PSG6: variants seen among roughly 807,000 people sequenced by gnomAD.
PSG6 encodes the protein pregnancy specific beta-1-glycoprotein 6, also known as pregnancy-specific beta-1-glycoprotein 6.
Under a neutral mutation model 43.3 loss-of-function variants are expected in PSG6, and 51 were observed. The ratio of observed to expected loss-of-function variants is 1.18; its 90% CI spans 0.94 to 1.49. PSG6 has a LOEUF of 1.49. PSG6 is among the 40% of genes most tolerant of loss of function. The pLI is 0.00. For synonymous variants in PSG6, 292 were observed against 197.6 expected (o/e 1.48, Z -4.01); for missense variants, 770 against 522.2 (o/e 1.47, Z -4.62).
At chr19:42,916,093 C>A in intron 2 of PSG6, 32 bp downstream of exon 2, 1 of 1,607,116 alleles carries the variant, frequency 6.2e-7, no homozygotes, top group Non-Finnish European at 8.5e-7. Flanking sequence ...CCCCTGCCCC[C>A]CAACACCCAG....
At chr19:42,903,465 G>A (rs1249349163) in intron 5 of PSG6, among the ~76,000 whole-genome samples, 1 of 151,532 alleles carries the variant, frequency 6.6e-6, no homozygotes, top group Non-Finnish European at 1.5e-5. Context: ...AAATAAAATG[G>A]AGAATGGAAA....
At chr19:42,905,646 C>T (rs1348576064) in intron 5 of PSG6, among the ~76,000 whole-genome samples, 1 of 151,592 alleles carries the variant, frequency 6.6e-6, no homozygotes, top group Non-Finnish European at 1.5e-5. Flanking sequence ...ATTACTCACA[C>T]TAGCCAAAAA....
rs1972336280 is a variant in PSG6 at position 42,916,468 on chromosome 19, C to T, written c.84G>A (p.Trp28Ter). Residue 28 changes from tryptophan (W) to a stop codon, truncating the protein, a stop_gained, in exon 2 of 6, where the codon TGG (tryptophan) becomes TGA (stop). Coordinates refer to ENST00000187910, the MANE Select transcript of PSG6 (RefSeq NM_001031850.4). LOFTEE classifies it high-confidence loss of function. ...TTACTTGGGCAGTGGTGGGCAGGTTCCAGAAGTTTAAAAGTGATGCTAGGA... is the reference window on the plus strand; with the variant it reads ...TTACTTGGGCAGTGGTGGGCAGGTTTCAGAAGTTTAAAAGTGATGCTAGGA... ...LLLTASLLNF[W>*]NLPTTAQVII... 6.2e-7 allele frequency: 1 copy of T among 1,610,874 alleles called. No individual in the cohort carries two copies. The highest frequency in any genetic ancestry group is 8.5e-7 in the Non-Finnish European group (1 of 1,178,576).
At position 42,916,009 on chromosome 19, in the gene PSG6, C is replaced by T. The variant is rs1972318133; in HGVS notation, c.427+116G>A. 3.2e-6 allele frequency: 5 copies of T among 1,539,402 alleles called. No individual in the cohort carries two copies. The African/African-American group carries it at 5.5e-5, about 17-fold the overall frequency. ...CCTGCACTAAATGCCCAAACCCCAG[C>T]ATGGGACATAATGCAGAGAGTGACA... On this transcript the variant is annotated intron_variant, in intron 2 of 5. Transcript: ENST00000187910.
chr19:42,907,867 C>G lies in PSG6; in HGVS notation c.707-13G>C. On this transcript the variant is annotated splice_polypyrimidine_tract_variant and intron_variant, in intron 3 of 5. Transcript: ENST00000187910. ...ATGGGCAGCTTCGCTGTGTGGATAA[C>G]AGAAGATTGTCCTGTGTGGCACCTT... 1.2e-6 allele frequency: 2 copies of G among 1,610,848 alleles called. No homozygotes were observed. The highest frequency in any genetic ancestry group is 1.7e-6 in the Non-Finnish European group (2 of 1,178,444).
At chr19:42,913,135 A>G (rs1440736340) in intron 2 of PSG6, among the ~76,000 whole-genome samples, 1 of 151,502 alleles carries the variant, frequency 6.6e-6, no homozygotes, top group Non-Finnish European at 1.5e-5. Context: ...AGTAAGCATC[A>G]AAAGCATTCT....
chr19:42,914,401 A>C lies in PSG6; in HGVS notation c.427+1724T>G, dbSNP rs1237728340. Among the ~76,000 whole-genome samples the C allele has an allele frequency of 4.6e-5, 7 of 150,718 alleles. No homozygotes were observed. The East Asian group carries it at 1.4e-3, about 29-fold the overall frequency. On this transcript the variant is annotated intron_variant, in intron 2 of 5. Coordinates refer to ENST00000187910, the MANE Select transcript of PSG6 (RefSeq NM_001031850.4). ...CTGTGCAGGACAGGGCTTGCCAGTC[A>C]GAATGAAGTGGGAGGAAGATGAGGG...
chr19:42,915,729 G>C lies in PSG6; in HGVS notation c.427+396C>G, dbSNP rs954800200. The C allele has an allele frequency of 2.2e-5, 7 of 311,468 alleles. 1 individual carries two copies. Among genetic ancestry groups the C allele is most frequent in the Admixed American group, 4.5e-5 (1 of 21,998 alleles). The allele number at this position is 311,468 out of a possible 1,614,324, so 19.3% of individuals were successfully genotyped here. A position where few individuals can be genotyped will look rare whatever the true frequency, so the allele number is the denominator to read the frequency against. On this transcript the variant is annotated intron_variant, in intron 2 of 5. Transcript: ENST00000187910. Reference sequence around the variant, plus strand: ...CTGGAGCAAGGATTTAGGGACAGGGGTCTGGGATTGAGGCTTCCAGAGCTG... The same window carrying C: ...CTGGAGCAAGGATTTAGGGACAGGGCTCTGGGATTGAGGCTTCCAGAGCTG...
At chr19:42,905,605 G>A (rs1028266537) in intron 5 of PSG6, among the ~76,000 whole-genome samples, 1 of 151,628 alleles carries the variant, frequency 6.6e-6, no homozygotes, top group Non-Finnish European at 1.5e-5. Flanking sequence ...GAAATTTGAA[G>A]AAATATTTGT....
rs1325312705 is a variant in PSG6 at position 42,906,980 on chromosome 19, A to T, written c.1182T>A (p.Ser394=). 6.2e-7 allele frequency: 1 copy of T among 1,612,516 alleles called. No individual in the cohort carries two copies. Among genetic ancestry groups the T allele is most frequent in the Non-Finnish European group, 8.5e-7 (1 of 1,179,124 alleles). ...CCTTGCCAGTGGCTGAGTTACGAAC[A>T]GAGCAAGCATAGAGCCCGCTATGAT... ...TTNHSGLYAC[S]VRNSATGKEI... Residue 394 remains serine (S), a synonymous_variant, in exon 5 of 6, where the codon TCT becomes TCA. Transcript: ENST00000187910.
intron 2 of PSG6, among the ~76,000 whole-genome samples, chr19:42,911,749 A>C (rs933728575): frequency 6.6e-6 from 1 of 151,738 alleles, no homozygotes. Context: ...TGTTTGGTGG[A>C]TATTAGACCA....
chr19:42,906,435 C>A (rs1171107084), intron 5 of PSG6, among the ~76,000 whole-genome samples: 1 of 151,522 alleles, frequency 6.6e-6, no homozygotes, highest in Admixed American at 6.6e-5. Context: ...CCAGAGGAGC[C>A]CGGAGCAGAG....
chr19:42,910,948 C>G (rs1251779321), intron 2 of PSG6, 90 bp from the exon 3 acceptor site: 22 of 1,524,112 alleles, frequency 1.4e-5, no homozygotes, highest in Non-Finnish European at 1.9e-5. Context: ...TTTCCAACCT[C>G]TCAGCCCACC....
At chr19:42,902,937 T>G (rs374147951) in intron 5 of PSG6, among the ~76,000 whole-genome samples, 7 of 151,776 alleles carry the variant, frequency 4.6e-5, no homozygotes, top group African/African-American at 1.7e-4. Context: ...TAGGTACTGT[T>G]GAGGTGCACT....
In PSG6 at chr19:42,916,593, T is replaced by G. The variant is rs376100657; in HGVS notation, c.65-106A>C. The G allele has an allele frequency of 5.5e-5, 79 of 1,426,636 alleles. 1 individual carries two copies. Among genetic ancestry groups the G allele is most frequent in the East Asian group, 3.2e-4 (14 of 43,620 alleles). The allele number at this position is 1,426,636 out of a possible 1,614,324, so 88.4% of individuals were successfully genotyped here. ...TCTCTTCAATCATCAGCCTTGAAGA[T>G]ATGCACACACACACATACAAACACA... is the stretch of plus-strand genomic sequence containing the variant. On this transcript the variant is annotated intron_variant, in intron 1 of 5. Coordinates refer to ENST00000187910, the MANE Select transcript of PSG6 (RefSeq NM_001031850.4).
Position 42,916,141 on chromosome 19 carries a change from G to A in PSG6, c.411C>T (p.Phe137=), listed in dbSNP as rs747479731. Reference sequence around the variant, plus strand: ...ATCACTCACAGTATAAGGTGACAGTGAAATATCCAGTTACTCCTCCAGTCC... The same window carrying A: ...ATCACTCACAGTATAAGGTGACAGTAAAATATCCAGTTACTCCTCCAGTCC... The part of the protein sequence containing the change: ...GDGTGGVTGY[F]TVTLYSETPK... The change falls in exon 2 of 6, where the codon TTC becomes TTT. Residue 137 remains phenylalanine (F), a synonymous_variant. Coordinates refer to ENST00000187910, the MANE Select transcript of PSG6 (RefSeq NM_001031850.4). 2.5e-6 allele frequency: 4 copies of A among 1,611,646 alleles called. No individual in the cohort carries two copies. Among genetic ancestry groups the A allele is most frequent in the South Asian group, 1.1e-5 (1 of 90,480 alleles).
In PSG6 at chr19:42,912,253, T is replaced by A. The variant is rs1036333974; in HGVS notation, c.428-1395A>T. Among the ~76,000 whole-genome samples, 13 of 151,712 alleles carry A rather than the reference T, an allele frequency of 8.6e-5. 1 individual carries two copies. The South Asian group carries it at 2.5e-3, about 29-fold the overall frequency. ...AATTTGTAATACTGTAATTTTCCCA[T>A]AAAAAGTTGTCAGGAGTTTAGACCT... On this transcript the variant is annotated intron_variant, in intron 2 of 5. Transcript: ENST00000187910.
intron 1 of PSG6, among the ~76,000 whole-genome samples, chr19:42,917,099 G>T (rs1600552568): frequency 6.6e-6 from 1 of 151,212 alleles, no homozygotes; most frequent in Non-Finnish European, 1.5e-5. Context: ...AATTGTTGAG[G>T]TTTTTTGCTG....
intron 1 of PSG6, 141 bp from the exon 2 acceptor site, chr19:42,916,628 A>G: frequency 7.7e-7 from 1 of 1,294,250 alleles, no homozygotes; most frequent in Non-Finnish European, 1.1e-6. Flanking sequence ...ACACACACAA[A>G]AGGGCATGTG....
Sources: gnomAD v4.1 joint callset for allele counts (sites outside exome capture counted in the v4.1 genomes callset) on GRCh38, gnomAD v4.1.1 for gene constraint, MANE v1.5 for transcripts, NCBI Gene and HGNC (gene_info 2026-07-23, HGNC 2026-07-21) for gene names.